Variants in MINDY4 observed in about 807,000 individuals in gnomAD.
MINDY4 encodes MINDY lysine 48 deubiquitinase 4.
In MINDY4, 68 loss-of-function variants were observed where a neutral mutation model predicts 87.0. The ratio of observed to expected loss-of-function variants is 0.78; its 90% CI spans 0.64 to 0.96. The LOEUF (loss-of-function observed/expected upper bound fraction) is 0.96, where lower values mean the gene tolerates loss of function less well. Ranked by LOEUF, MINDY4 falls within the 40% of genes least tolerant of loss-of-function variation. The pLI, the probability that MINDY4 is intolerant of heterozygous loss-of-function variation, is 0.00. For synonymous variants in MINDY4, 379 were observed against 363.2 expected (o/e 1.04, Z -0.50); for missense variants, 919 against 928.2 (o/e 0.99, Z 0.13).
intron 15 of MINDY4, among the ~76,000 whole-genome samples, chr7:30,880,100 C>T (rs1282688749): frequency 6.6e-6 from 1 of 152,188 alleles, no homozygotes; most frequent in Non-Finnish European, 1.5e-5. Flanking sequence ...CATTGCTGTT[C>T]CTTAGAAATG....
intron 17 of MINDY4, among the ~76,000 whole-genome samples, chr7:30,887,150 C>G (rs914187250): frequency 6.6e-6 from 1 of 152,192 alleles, no homozygotes; most frequent in Non-Finnish European, 1.5e-5. Context: ...CCACTCCCTG[C>G]GGAACCTCCC....
At chr7:30,875,008 A>G (rs868113990) in intron 14 of MINDY4, among the ~76,000 whole-genome samples, 4 of 152,170 alleles carry the variant, frequency 2.6e-5, no homozygotes, top group African/African-American at 9.7e-5. Context: ...TTTAAGACTC[A>G]CCCAAATGTC....
intron 5 of MINDY4, among the ~76,000 whole-genome samples, chr7:30,823,930 G>C (rs1382564465): frequency 6.6e-6 from 1 of 152,106 alleles, no homozygotes; most frequent in East Asian, 1.9e-4. Context: ...AGGTGTGCTG[G>C]GGTATCACTG....
rs141640116 is a variant in MINDY4 at position 30,889,552 on chromosome 7, C to T, written c.2226-2405C>T. On this transcript the variant is annotated intron_variant, in intron 17 of 17. Coordinates refer to ENST00000265299, the MANE Select transcript of MINDY4 (RefSeq NM_032222.3). ...AGCCAAGCCAGTTTGTCTCCAAATA[C>T]GGCACCAGTGTCTCTTATTTGAGCA... Among the ~76,000 whole-genome samples, 129 of 152,324 alleles carry T rather than the reference C, an allele frequency of 8.5e-4. 1 individual carries two copies. The highest frequency in any genetic ancestry group is 2.4e-3 in the African/African-American group (101 of 41,578).
intron 3 of MINDY4, among the ~76,000 whole-genome samples, chr7:30,784,596 T>C (rs1411522828): frequency 1.3e-5 from 2 of 152,222 alleles, no homozygotes; most frequent in East Asian, 3.8e-4. Flanking sequence ...GGTAAACTCC[T>C]TAGAATACAA....
At chr7:30,840,958 G>T (rs1789015087) in intron 9 of MINDY4, 110 bp downstream of exon 9, 3 of 977,436 alleles carry the variant, frequency 3.1e-6, no homozygotes, top group African/African-American at 3.2e-5. Context: ...CCTGTCTTCT[G>T]CAGGTCAAGA....
chr7:30,864,722 G>A (rs1789876155), intron 13 of MINDY4, among the ~76,000 whole-genome samples: 1 of 152,232 alleles, frequency 6.6e-6, no homozygotes, highest in African/African-American at 2.4e-5. Flanking sequence ...CCCAGAGAAG[G>A]CCACCACATC....
At chr7:30,847,489 C>G (rs571864586) in intron 9 of MINDY4, among the ~76,000 whole-genome samples, 54 of 152,270 alleles carry the variant, frequency 3.5e-4, no homozygotes, top group African/African-American at 1.3e-3. Context: ...GCAGTTGGTT[C>G]TACTTACCCA....
chr7:30,853,460 G>A lies in MINDY4; in HGVS notation c.1677+1G>A. 2.5e-6 allele frequency: 4 copies of A among 1,610,690 alleles called. No individual in the cohort carries two copies. Among genetic ancestry groups the A allele is most frequent in the Non-Finnish European group, 3.4e-6 (4 of 1,177,786 alleles). On this transcript the variant is annotated splice_donor_variant, in intron 12 of 17. Coordinates refer to ENST00000265299, the MANE Select transcript of MINDY4 (RefSeq NM_032222.3). LOFTEE classifies it high-confidence loss of function. ...TTTTCTTCAACAAAGCATTCATCAGGTATGAAGCATGCCTTACTCCTGTGG... is the reference window on the plus strand; with the variant it reads ...TTTTCTTCAACAAAGCATTCATCAGATATGAAGCATGCCTTACTCCTGTGG...
At chr7:30,804,762 A>T (rs897378674) in intron 5 of MINDY4, among the ~76,000 whole-genome samples, 4 of 152,248 alleles carry the variant, frequency 2.6e-5, no homozygotes, top group African/African-American at 9.6e-5. Flanking sequence ...GTCTGAGTTC[A>T]TGCAGGTTTT....
intron 5 of MINDY4, among the ~76,000 whole-genome samples, chr7:30,801,568 A>G (rs1474253998): frequency 6.6e-6 from 1 of 152,054 alleles, no homozygotes; most frequent in African/African-American, 2.4e-5. Flanking sequence ...CCCAGTCCAC[A>G]GTGGAATGCC....
chr7:30,812,281 G>T (rs5883259), intron 5 of MINDY4, among the ~76,000 whole-genome samples: 39,233 of 140,926 alleles, frequency 0.28, 6,896 homozygotes, highest in African/African-American at 0.49. Context: ...AGGGGGGGGG[G>T]GTATGTATGT....
chr7:30,862,642 G>A (rs1789801229), intron 13 of MINDY4, among the ~76,000 whole-genome samples: 1 of 152,196 alleles, frequency 6.6e-6, no homozygotes, highest in African/African-American at 2.4e-5. Context: ...TTGGACACTT[G>A]GGTGCAAATG....
At chr7:30,848,426 T>A (rs34490481) in intron 9 of MINDY4, among the ~76,000 whole-genome samples, 5,885 of 152,260 alleles carry the variant, frequency 0.039, 164 homozygotes, top group East Asian at 0.11. Context: ...GTACTCAGGA[T>A]GTGCAGTTGA....
At chr7:30,812,158 C>T (rs957878117) in intron 5 of MINDY4, among the ~76,000 whole-genome samples, 3 of 151,686 alleles carry the variant, frequency 2.0e-5, no homozygotes, top group Middle Eastern at 3.4e-3. Context: ...GGCAGGAGAG[C>T]GTCCTTATTC....
intron 13 of MINDY4, among the ~76,000 whole-genome samples, chr7:30,862,224 G>T (rs1356990622): frequency 6.6e-6 from 1 of 152,208 alleles, no homozygotes; most frequent in South Asian, 2.1e-4. Flanking sequence ...CCCACCTGGA[G>T]CCCAGGGGAG....
intron 4 of MINDY4, chr7:30,786,384 G>A: frequency 5.8e-6 from 1 of 171,936 alleles, no homozygotes; most frequent in Non-Finnish European, 1.2e-5. Context: ...AGGCCAAGGT[G>A]GAAGAATTGC....
chr7:30,840,879 A>G, intron 9 of MINDY4, 31 bp downstream of exon 9: 1 of 1,592,370 alleles, frequency 6.3e-7, no homozygotes, highest in Non-Finnish European at 8.6e-7. Context: ...GCAATATCTT[A>G]TTTTCCCAAG....
chr7:30,828,577 A>G, intron 5 of MINDY4, 102 bp from the exon 6 acceptor site: 1 of 1,194,000 alleles, frequency 8.4e-7, no homozygotes, highest in South Asian at 1.3e-5. Context: ...GACTAGAGAG[A>G]CTTGTCTCCT....
Sources: allele counts gnomAD v4.1 joint callset (sites outside exome capture counted in the v4.1 genomes callset), GRCh38; gene constraint gnomAD v4.1.1; transcripts MANE v1.5; gene names NCBI Gene and HGNC (gene_info 2026-07-23, HGNC 2026-07-21).